Variants in ANKRD44 observed in about 807,000 individuals in gnomAD.
The protein encoded by ANKRD44 is ankyrin repeat domain 44.
A neutral mutation model predicts 116.0 loss-of-function variants in ANKRD44; 35 were observed. The ratio of observed to expected loss-of-function variants is 0.30; its 90% CI spans 0.23 to 0.40. The LOEUF (loss-of-function observed/expected upper bound fraction) is 0.40, where lower values mean the gene tolerates loss of function less well. Among genes scored for constraint, ANKRD44 ranks in the 10% least tolerant of loss-of-function variants. The pLI is 1.00. For synonymous variants in ANKRD44, 435 were observed against 461.8 expected, an observed-to-expected ratio of 0.94 and a Z score of 0.74; for missense variants, 1,014 against 1,242.6, an observed-to-expected ratio of 0.82 and a Z score of 2.77.
chr2:197,136,794 T>C (rs762867411), intron 3 of ANKRD44, 132 bp from the exon 4 acceptor site: 14 of 731,758 alleles, frequency 1.9e-5, no homozygotes, highest in Non-Finnish European at 3.3e-5. Flanking sequence ...GTATTAGTCA[T>C]GTGCTGACAA....
Position 197,122,734 on chromosome 2 carries a change from A to T in ANKRD44, c.609T>A (p.Asp203Glu). The T allele has an allele frequency of 6.2e-7, 1 of 1,614,242 alleles. No homozygotes were observed. Among genetic ancestry groups the T allele is most frequent in the Non-Finnish European group, 8.5e-7 (1 of 1,180,038 alleles). Residue 203 changes from aspartate to glutamate, a missense_variant, in exon 7 of 28, where the codon GAT becomes GAA. Asp to Glu is a conservative substitution (Grantham distance 45). Coordinates refer to ENST00000282272, the MANE Select transcript of ANKRD44 (RefSeq NM_001195144.2). ...INHGAEVTCKDKKGYTPLHAA... is the reference protein window; with the variant it reads ...INHGAEVTCKEKKGYTPLHAA... ...CATGCAGAGGGGTATAACCCTTCTT[A>T]TCCTTACAGGTCACTTCTGCGCCAT...
intron 15 of ANKRD44, among the ~76,000 whole-genome samples, chr2:197,079,714 A>G (rs1453694847): frequency 6.6e-6 from 1 of 152,258 alleles, no homozygotes; most frequent in African/African-American, 2.4e-5. Flanking sequence ...ATTCAATTTC[A>G]TACTCAAATC....
chr2:197,148,397 C>A (rs13419303), intron 2 of ANKRD44, among the ~76,000 whole-genome samples: 160 of 152,332 alleles, frequency 1.1e-3, no homozygotes, highest in African/African-American at 3.8e-3. Context: ...GCAATGGTAA[C>A]CAAAGCCCAT....
At chr2:197,049,959 C>T (rs2077075102) in intron 16 of ANKRD44, among the ~76,000 whole-genome samples, 1 of 152,174 alleles carries the variant, frequency 6.6e-6, no homozygotes, top group Non-Finnish European at 1.5e-5. Context: ...TCTCACACTG[C>T]TATCAAGAAA....
intron 1 of ANKRD44, among the ~76,000 whole-genome samples, chr2:197,273,744 T>A (rs1025208360): frequency 6.6e-6 from 1 of 152,004 alleles, no homozygotes; most frequent in African/African-American, 2.4e-5. Flanking sequence ...TGGGAAGTGA[T>A]ACCTTGAAGG....
intron 6 of ANKRD44, among the ~76,000 whole-genome samples, chr2:197,124,555 C>T (rs1382002265): frequency 6.6e-6 from 1 of 152,180 alleles, no homozygotes; most frequent in Non-Finnish European, 1.5e-5. Context: ...TTAATAAACA[C>T]TCATGGACTC....
At chr2:197,075,035 C>T (rs908439119) in intron 16 of ANKRD44, among the ~76,000 whole-genome samples, 81 of 152,150 alleles carry the variant, frequency 5.3e-4, no homozygotes, top group African/African-American at 1.9e-3. Flanking sequence ...CAAGTTCATT[C>T]CTATCATTGA....
chr2:197,131,122 G>T (rs1309319940), intron 4 of ANKRD44, among the ~76,000 whole-genome samples: 1 of 152,106 alleles, frequency 6.6e-6, no homozygotes, highest in African/African-American at 2.4e-5. Flanking sequence ...CGTCTCGAAG[G>T]GTGGATCAGA....
At chr2:197,309,884 G>A (rs984001357) in intron 1 of ANKRD44, among the ~76,000 whole-genome samples, 3 of 152,166 alleles carry the variant, frequency 2.0e-5, no homozygotes, top group Non-Finnish European at 4.4e-5. Flanking sequence ...GAGCTGCCCT[G>A]TGTGGTGTCT....
At chr2:197,073,542 G>A (rs1275175271) in intron 16 of ANKRD44, among the ~76,000 whole-genome samples, 1 of 152,204 alleles carries the variant, frequency 6.6e-6, no homozygotes. Flanking sequence ...TGGCCAGCAA[G>A]TTCTGGTCAG....
At position 197,203,073 on chromosome 2, in the gene ANKRD44, C is replaced by T. The variant is rs765227037; in HGVS notation, c.28-15967G>A. 6.6e-5 allele frequency among the ~76,000 whole-genome samples: 10 copies of T among 152,140 alleles called. No homozygotes were observed. Among genetic ancestry groups the T allele is most frequent in the Non-Finnish European group, 1.3e-4 (9 of 68,022 alleles). On this transcript the variant is annotated intron_variant, in intron 1 of 27. Transcript: ENST00000282272. The surrounding 1 kb of genome is among the most constrained non-coding windows in gnomAD (Gnocchi z 4.1). ...ATACAGCTTCAACATACATGCAGCA[C>T]TGAATCTGATTCTTCATCTCAATAC...
At chr2:197,234,686 G>A (rs1007490340) in intron 1 of ANKRD44, among the ~76,000 whole-genome samples, 2 of 152,098 alleles carry the variant, frequency 1.3e-5, no homozygotes, top group Non-Finnish European at 2.9e-5. Context: ...ATAACAATTT[G>A]GTGGTTCCCA....
chr2:197,192,294 T>A (rs141684661), intron 1 of ANKRD44, among the ~76,000 whole-genome samples: 1 of 152,340 alleles, frequency 6.6e-6, no homozygotes, highest in Non-Finnish European at 1.5e-5. Context: ...CATCCAGGGA[T>A]GCTCCAGCAT....
intron 4 of ANKRD44, among the ~76,000 whole-genome samples, chr2:197,128,690 T>C (rs2079031893): frequency 6.6e-6 from 1 of 152,194 alleles, no homozygotes; most frequent in African/African-American, 2.4e-5. Context: ...GCTTTTGGTG[T>C]TTTCATCATG....
chr2:196,998,685 A>G (rs2076058797), intron 24 of ANKRD44, among the ~76,000 whole-genome samples: 1 of 152,232 alleles, frequency 6.6e-6, no homozygotes, highest in Admixed American at 6.5e-5. Flanking sequence ...CTAAATGTTG[A>G]TAATTTCATT....
intron 27 of ANKRD44, chr2:196,990,825 A>G (rs538134604): frequency 8.1e-6 from 10 of 1,232,292 alleles, no homozygotes; most frequent in Non-Finnish European, 1.0e-5. Context: ...GTTGACAGCC[A>G]TCATTGTACT....
At chr2:197,057,768 G>A (rs1458251893) in intron 16 of ANKRD44, among the ~76,000 whole-genome samples, 2 of 152,186 alleles carry the variant, frequency 1.3e-5, no homozygotes. Context: ...TGAGGTGGGA[G>A]GATCGCTTGA....
At chr2:197,253,085 G>A (rs959918548) in intron 1 of ANKRD44, among the ~76,000 whole-genome samples, 2 of 152,158 alleles carry the variant, frequency 1.3e-5, no homozygotes, top group Non-Finnish European at 2.9e-5. Flanking sequence ...TTGTTGCTGT[G>A]ATAGTGGTTT....
At position 196,988,887 on chromosome 2, in the gene ANKRD44, T is replaced by C; in HGVS notation, c.*704A>G. 1.0e-6 allele frequency: 1 copy of C among 985,448 alleles called. No homozygotes were observed. Among genetic ancestry groups the C allele is most frequent in the Non-Finnish European group, 1.2e-6 (1 of 829,940 alleles). 61.0% of individuals were successfully genotyped at this position (985,448 alleles called of 1,614,324 possible). On this transcript the variant is annotated 3_prime_UTR_variant, in exon 28 of 28. Coordinates refer to ENST00000282272, the MANE Select transcript of ANKRD44 (RefSeq NM_001195144.2). ...GTGTACTTAGGGTAATTTCTAGATA[T>C]TTCTTTGTGCTGCCTTTGTGTATAT...
Sources: allele counts gnomAD v4.1 joint callset (sites outside exome capture counted in the v4.1 genomes callset), GRCh38; gene constraint gnomAD v4.1.1; non-coding constraint Gnocchi (gnomAD v3.1); transcripts MANE v1.5; gene names NCBI Gene and HGNC (gene_info 2026-07-23, HGNC 2026-07-21).